The following CLSTN2 variants were observed in gnomAD, a reference collection of about 807,000 sequenced individuals.
The protein encoded by CLSTN2 is calsyntenin 2.
A neutral mutation model predicts 101.2 loss-of-function variants in CLSTN2; 48 were observed. The observed-to-expected ratio is 0.47, with a 90% CI of 0.38 to 0.60. The LOEUF is 0.60. CLSTN2 is among the 20% of genes least tolerant of loss of function. The probability of loss-of-function intolerance (pLI) is 0.00; values close to 1 mark genes in which losing one functional copy is unlikely to be tolerated. For synonymous variants in CLSTN2, 481 were observed against 463.6 expected (o/e 1.04, Z -0.48); for missense variants, 1,160 against 1,238.2 (o/e 0.94, Z 0.95).
intron 2 of CLSTN2, among the ~76,000 whole-genome samples, chr3:140,331,193 G>T (rs553274658): frequency 6.6e-6 from 1 of 152,164 alleles, no homozygotes; most frequent in South Asian, 2.1e-4. Context: ...TCTGGAGTCT[G>T]AGTCCAAGGG....
chr3:139,949,178 T>C (rs1935255522), intron 1 of CLSTN2, among the ~76,000 whole-genome samples: 1 of 152,194 alleles, frequency 6.6e-6, no homozygotes, highest in Non-Finnish European at 1.5e-5. Flanking sequence ...GTGACACTAC[T>C]CAATTGCATT....
intron 1 of CLSTN2, among the ~76,000 whole-genome samples, chr3:140,086,559 A>T (rs536816150): frequency 6.6e-6 from 1 of 152,228 alleles, no homozygotes; most frequent in African/African-American, 2.4e-5. Flanking sequence ...GTAATTACAA[A>T]TACATATCCG....
chr3:140,366,428 A>T (rs1310291076), intron 2 of CLSTN2, among the ~76,000 whole-genome samples: 1 of 152,236 alleles, frequency 6.6e-6, no homozygotes, highest in Non-Finnish European at 1.5e-5. Flanking sequence ...GGCATGAAAT[A>T]TTTAGAAAGA....
In CLSTN2 at chr3:140,351,042, C is replaced by A. The variant is rs73867132; in HGVS notation, c.233-52587C>A. On this transcript the variant is annotated intron_variant, in intron 2 of 16. Transcript: ENST00000458420. ...AAAGGTACTCAGGATGCTTCAGGTGCAGAGAGAGAGGCCAGTAAGAAGGAC... is the reference window on the plus strand; with the variant it reads ...AAAGGTACTCAGGATGCTTCAGGTGAAGAGAGAGAGGCCAGTAAGAAGGAC... Among the ~76,000 whole-genome samples the A allele has an allele frequency of 1.4e-3, 206 of 152,168 alleles. 1 individual carries two copies. The highest frequency in any genetic ancestry group is 4.7e-3 in the African/African-American group (197 of 41,522).
rs1361359633 is a variant in CLSTN2 at position 139,983,139 on chromosome 3, C to A, written c.109+47656C>A. On this transcript the variant is annotated intron_variant, in intron 1 of 16. Transcript: ENST00000458420. The stretch of plus-strand genomic sequence containing the variant: ...CTTCCTCTAATCTGGTATTTTTTGT[C>A]TACTATTACTGGAAGGATTTGGGGC... Among the ~76,000 whole-genome samples the A allele has an allele frequency of 2.0e-5, 3 of 151,762 alleles. No individual in the cohort carries two copies. The East Asian group carries it at 5.8e-4, about 29-fold the overall frequency.
At chr3:140,492,019 C>T (rs1319188883) in intron 8 of CLSTN2, among the ~76,000 whole-genome samples, 2 of 152,096 alleles carry the variant, frequency 1.3e-5, no homozygotes, top group Non-Finnish European at 2.9e-5. Flanking sequence ...CCCAAAAAAG[C>T]CCTTTAAGAA....
intron 2 of CLSTN2, among the ~76,000 whole-genome samples, chr3:140,373,195 T>A (rs1457445877): frequency 1.3e-5 from 2 of 152,214 alleles, no homozygotes; most frequent in African/African-American, 4.8e-5. Flanking sequence ...TGACTGTGTA[T>A]AACATTAAGA....
intron 2 of CLSTN2, among the ~76,000 whole-genome samples, chr3:140,256,741 T>C (rs2086607328): frequency 6.6e-6 from 1 of 152,272 alleles, no homozygotes; most frequent in African/African-American, 2.4e-5. Context: ...TTGAGACTTC[T>C]ATTTGATTCG....
intron 2 of CLSTN2, among the ~76,000 whole-genome samples, chr3:140,295,698 TA>T (rs1220119537): frequency 6.6e-6 from 1 of 152,174 alleles, no homozygotes; most frequent in Non-Finnish European, 1.5e-5. Flanking sequence ...ATTATAAGTA[TA>T]AATGCTCAGA....
intron 2 of CLSTN2, among the ~76,000 whole-genome samples, chr3:140,332,923 C>T (rs1212659096): frequency 6.6e-6 from 1 of 152,172 alleles, no homozygotes; most frequent in Non-Finnish European, 1.5e-5. Flanking sequence ...TAGTGTCTTA[C>T]TGACCTGTAT....
chr3:139,957,967 TTC>T (rs1273420028), intron 1 of CLSTN2, among the ~76,000 whole-genome samples: 2 of 152,186 alleles, frequency 1.3e-5, no homozygotes, highest in Non-Finnish European at 2.9e-5. Context: ...GTTTTTCTGA[TTC>T]TCTTTTCCTG....
At position 140,459,544 on chromosome 3, in the gene CLSTN2, CT is replaced by C; in HGVS notation, c.998del (p.Leu333ProfsTer22). 6.2e-7 allele frequency: 1 copy of C among 1,614,056 alleles called. No individual in the cohort carries two copies. Among genetic ancestry groups the C allele is most frequent in the Non-Finnish European group, 8.5e-7 (1 of 1,179,960 alleles). The stretch of plus-strand genomic sequence containing the variant: ...AGGAGCCTCCTCTGGCATCATTGAC[CT>C]CTTGCCATCCCCTAGCGCTGCCACC... ...LCGASSGIID[L>X]LPSPSAATNW... On this transcript the variant is annotated frameshift_variant, in exon 7 of 17. Transcript: ENST00000458420. LOFTEE classifies it high-confidence loss of function.
At chr3:140,277,014 T>A (rs1447145476) in intron 2 of CLSTN2, among the ~76,000 whole-genome samples, 1 of 152,116 alleles carries the variant, frequency 6.6e-6, no homozygotes, top group Non-Finnish European at 1.5e-5. Context: ...AGAATCAGTG[T>A]GCAAGCAGGA....
At chr3:140,402,414 TG>T (rs1013793639) in intron 2 of CLSTN2, among the ~76,000 whole-genome samples, 4 of 152,246 alleles carry the variant, frequency 2.6e-5, no homozygotes, top group Non-Finnish European at 2.9e-5. Flanking sequence ...TTTTAAAAAT[TG>T]GAATAAATTG....
intron 1 of CLSTN2, among the ~76,000 whole-genome samples, chr3:139,948,521 C>G (rs6770768): frequency 0.05 from 7,587 of 152,004 alleles, 592 homozygotes; most frequent in African/African-American, 0.17. Context: ...AACCAGCCAA[C>G]CTTGCTAAAG....
chr3:140,090,827 A>T (rs755795586), intron 1 of CLSTN2, among the ~76,000 whole-genome samples: 14 of 152,100 alleles, frequency 9.2e-5, no homozygotes, highest in Non-Finnish European at 1.8e-4. Flanking sequence ...CCATTAAAGG[A>T]GGTGTACGGG....
At chr3:140,326,494 T>G (rs2087333289) in intron 2 of CLSTN2, among the ~76,000 whole-genome samples, 1 of 152,238 alleles carries the variant, frequency 6.6e-6, no homozygotes, top group African/African-American at 2.4e-5. Context: ...TAGAATGGGC[T>G]GGGCATTTCC....
intron 2 of CLSTN2, among the ~76,000 whole-genome samples, chr3:140,238,164 A>C (rs1439132359): frequency 5.9e-5 from 9 of 152,190 alleles, no homozygotes. Context: ...ATCTGAGGAC[A>C]GAAGACATTT....
intron 9 of CLSTN2, among the ~76,000 whole-genome samples, chr3:140,532,710 G>A (rs1935282798): frequency 6.6e-6 from 1 of 152,170 alleles, no homozygotes; most frequent in Non-Finnish European, 1.5e-5. Context: ...ATCGACATGA[G>A]CAGTTTCATG....
Sources: gnomAD v4.1 joint callset for allele counts (sites outside exome capture counted in the v4.1 genomes callset) on GRCh38, gnomAD v4.1.1 for gene constraint, MANE v1.5 for transcripts, NCBI Gene and HGNC (gene_info 2026-07-23, HGNC 2026-07-21) for gene names.